Variants in TTLL6 observed in about 807,000 individuals in gnomAD.
TTLL6 encodes tubulin tyrosine ligase like 6, also known as tubulin polyglutamylase TTLL6.
In TTLL6, 75 loss-of-function variants were observed where a neutral mutation model predicts 96.4. The observed-to-expected ratio is 0.78, with a 90% CI of 0.65 to 0.94. The LOEUF (loss-of-function observed/expected upper bound fraction) is 0.94, where lower values mean the gene tolerates loss of function less well. Among genes scored for constraint, TTLL6 ranks in the 40% least tolerant of loss-of-function variants. TTLL6 has a pLI of 0.00. For synonymous variants in TTLL6, 411 were observed against 419.4 expected, an observed-to-expected ratio of 0.98 and a Z score of 0.24; for missense variants, 1,030 against 1,093.0, an observed-to-expected ratio of 0.94 and a Z score of 0.81.
intron 13 of TTLL6, 27 bp downstream of exon 13, chr17:48,784,896 C>T: frequency 6.3e-7 from 1 of 1,596,400 alleles, no homozygotes; most frequent in Non-Finnish European, 8.6e-7. Context: ...CCCACCACTC[C>T]CTCCCAGAGC....
At chr17:48,794,370 C>T (rs1473765541) in intron 8 of TTLL6, 2 of 1,525,698 alleles carry the variant, frequency 1.3e-6, no homozygotes, top group Non-Finnish European at 1.8e-6. Context: ...GTTGCCATCA[C>T]AAGTCATTTG....
intron 8 of TTLL6, among the ~76,000 whole-genome samples, chr17:48,795,721 C>T (rs1016679238): frequency 6.6e-6 from 1 of 152,066 alleles, no homozygotes; most frequent in Admixed American, 6.5e-5. Flanking sequence ...GGCAGACTAG[C>T]GATCAATAAA....
At position 48,804,851 on chromosome 17, in the gene TTLL6, A is replaced by C. The variant is rs1293778642; in HGVS notation, c.244T>G (p.Phe82Val). ...EDPKETVALA[F>V]VRENPGAQNG... is the part of the protein sequence containing the mutation. ...TGTGCCCCTGGGTTCTCTCTCACAAAAGCCAGCGCGACGGTTTCTTTTGGA... is the reference window on the plus strand; with the variant it reads ...TGTGCCCCTGGGTTCTCTCTCACAACAGCCAGCGCGACGGTTTCTTTTGGA... The change falls in exon 2 of 16, where the codon TTT becomes GTT. Residue 82 changes from phenylalanine (F) to valine (V), a missense_variant. By Grantham distance (50) the Phe-to-Val change is conservative (BLOSUM62 -1). Transcript: ENST00000393382. The C allele has an allele frequency of 1.6e-5, 25 of 1,552,150 alleles. No homozygotes were observed. Among genetic ancestry groups the C allele is most frequent in the African/African-American group, 2.7e-5 (2 of 73,000 alleles).
intron 1 of TTLL6, 52 bp from the exon 2 acceptor site, chr17:48,805,043 AC>A: frequency 7.1e-7 from 1 of 1,410,884 alleles, no homozygotes; most frequent in Non-Finnish European, 9.8e-7. Context: ...CTGCAGGGGG[AC>A]CCCCTCCCTC....
rs1364340767 is a variant in TTLL6, at chr17:48,769,717, C to T, written c.2410+11G>A. 1 of 1,612,652 alleles carries T rather than the reference C, an allele frequency of 6.2e-7. No homozygotes were observed. Among genetic ancestry groups the T allele is most frequent in the Non-Finnish European group, 8.5e-7 (1 of 1,179,358 alleles). On this transcript the variant is annotated intron_variant, in intron 14 of 15. Transcript: ENST00000393382. ...AGCTCCTGGCACATCCCTGTACACACTGGCACTCACGTGACAGGTTATTCA... is the reference window on the plus strand; with the variant it reads ...AGCTCCTGGCACATCCCTGTACACATTGGCACTCACGTGACAGGTTATTCA...
At position 48,785,103 on chromosome 17, in the gene TTLL6, C is replaced by T. The variant is rs1477394593; in HGVS notation, c.1860G>A (p.Glu620=). Residue 620 remains glutamate (E), a synonymous_variant, in exon 13 of 16, where the codon GAG becomes GAA. Coordinates refer to ENST00000393382, the MANE Select transcript of TTLL6 (RefSeq NM_001130918.3). ...KNETDSSLNQ[E]APTEEASSVF... ...CAGAGCTGGCCTCCTCCGTGGGAGC[C>T]TCCTGGTTGAGGCTGCTGTCTGTTT... 3.7e-6 allele frequency: 6 copies of T among 1,614,168 alleles called. No individual in the cohort carries two copies. The highest frequency in any genetic ancestry group is 2.2e-5 in the East Asian group (1 of 44,878).
chr17:48,791,691 G>A (rs1032884598), intron 8 of TTLL6, 88 bp from the exon 9 acceptor site: 66 of 1,158,268 alleles, frequency 5.7e-5, no homozygotes, highest in Middle Eastern at 2.6e-4. Context: ...AACTCCTGGC[G>A]GAGACAAGGC....
chr17:48,768,847 CA>C lies in TTLL6; in HGVS notation c.*141del. The C allele has an allele frequency of 3.2e-6, 3 of 949,362 alleles. 1 individual carries two copies. In the South Asian group the frequency reaches 4.8e-5, roughly 15 times the overall value. 58.8% of individuals were successfully genotyped at this position (949,362 alleles called of 1,614,324 possible). On this transcript the variant is annotated intron_variant, in intron 15 of 15. Coordinates refer to ENST00000393382, the MANE Select transcript of TTLL6 (RefSeq NM_001130918.3). ...ATGAGCCACTGCACCCAGCCAGGGTCACATTTTTACTAAGTCTTCATTGTCT... is the reference window on the plus strand; with the variant it reads ...ATGAGCCACTGCACCCAGCCAGGGTCCATTTTTACTAAGTCTTCATTGTCT...
intron 14 of TTLL6, 92 bp from the exon 15 acceptor site, chr17:48,769,346 G>A: frequency 7.1e-7 from 1 of 1,405,350 alleles, no homozygotes; most frequent in Non-Finnish European, 9.6e-7. Context: ...GGGTCCCATG[G>A]CCTGTAACTG....
intron 10 of TTLL6, 25 bp downstream of exon 10, chr17:48,789,906 G>A (rs199575651): frequency 4.2e-5 from 67 of 1,610,674 alleles, no homozygotes; most frequent in East Asian, 2.2e-4. Context: ...AGAGAGCCCC[G>A]CAAGGCTGGG....
intron 1 of TTLL6, among the ~76,000 whole-genome samples, chr17:48,815,001 C>T (rs2039648724): frequency 6.6e-6 from 1 of 152,186 alleles, no homozygotes; most frequent in Non-Finnish European, 1.5e-5. Flanking sequence ...TGGTCTCAAA[C>T]TCCCAACCTC....
At chr17:48,798,030 C>T (rs749163634) in intron 6 of TTLL6, among the ~76,000 whole-genome samples, 17 of 151,988 alleles carry the variant, frequency 1.1e-4, no homozygotes, top group Admixed American at 4.6e-4. Context: ...ATTGCTCAAG[C>T]CTAGGAGGTC....
chr17:48,774,549 T>C (rs1003067850), intron 13 of TTLL6, among the ~76,000 whole-genome samples: 3 of 151,582 alleles, frequency 2.0e-5, no homozygotes, highest in Non-Finnish European at 2.9e-5. Context: ...AATAAGGAAA[T>C]TACTAATATC....
intron 9 of TTLL6, among the ~76,000 whole-genome samples, 155 bp downstream of exon 9, chr17:48,791,223 C>G (rs1357440934): frequency 6.6e-6 from 1 of 152,150 alleles, no homozygotes; most frequent in East Asian, 1.9e-4. Context: ...GTGGCCACTT[C>G]TCAGCTAAGA....
intron 11 of TTLL6, among the ~76,000 whole-genome samples, chr17:48,786,628 G>A (rs553507279): frequency 6.6e-6 from 1 of 152,292 alleles, no homozygotes; most frequent in Admixed American, 6.5e-5. Flanking sequence ...CTTCCCAGCA[G>A]GCCAGTTCCC....
intron 14 of TTLL6, 32 bp from the exon 15 acceptor site, chr17:48,769,286 T>C: frequency 6.4e-7 from 1 of 1,566,090 alleles, no homozygotes; most frequent in Non-Finnish European, 8.7e-7. Context: ...CATCAGCGAT[T>C]TGTGCTGCTG....
chr17:48,799,218 C>T (rs560779281), intron 6 of TTLL6, among the ~76,000 whole-genome samples: 10 of 152,332 alleles, frequency 6.6e-5, no homozygotes, highest in Non-Finnish European at 1.5e-5. Flanking sequence ...TGTCCACACT[C>T]CTAGAGGGCT....
At chr17:48,773,144 A>G (rs999914487) in intron 13 of TTLL6, among the ~76,000 whole-genome samples, 1 of 152,278 alleles carries the variant, frequency 6.6e-6, no homozygotes, top group Non-Finnish European at 1.5e-5. Context: ...AAATTATTCA[A>G]TCTGAAAACA....
chr17:48,777,011 G>GACACAC (rs71369215), intron 13 of TTLL6, among the ~76,000 whole-genome samples: 36,275 of 141,196 alleles, frequency 0.26, 4,991 homozygotes, highest in Non-Finnish European at 0.33. Context: ...CATAAGGATA[G>GACACAC]ACACACACAC....
Sources: gnomAD v4.1 joint callset for allele counts (sites outside exome capture counted in the v4.1 genomes callset) on GRCh38, gnomAD v4.1.1 for gene constraint, MANE v1.5 for transcripts, NCBI Gene and HGNC (gene_info 2026-07-23, HGNC 2026-07-21) for gene names.